The following POC1A variants were observed in gnomAD, a reference collection of about 807,000 sequenced individuals.
The protein encoded by POC1A is POC1 centriolar protein A.
Under a neutral mutation model 47.8 loss-of-function variants are expected in POC1A, and 34 were observed. That is an observed-to-expected ratio of 0.71 (90% CI 0.54 to 0.95). The LOEUF (loss-of-function observed/expected upper bound fraction) is 0.95. Ranked by LOEUF, POC1A falls within the 40% of genes least tolerant of loss-of-function variation. POC1A has a pLI of 0.00. For synonymous variants in POC1A, 177 were observed against 207.6 expected, an observed-to-expected ratio of 0.85 and a Z score of 1.27; for missense variants, 466 against 528.3, an observed-to-expected ratio of 0.88 and a Z score of 1.16.
chr3:52,089,205 GGGAAGACACAGGCTC>G (rs1267785920), intron 10 of POC1A, among the ~76,000 whole-genome samples: 2 of 151,982 alleles, frequency 1.3e-5, no homozygotes, highest in African/African-American at 4.8e-5. Flanking sequence ...CTGCGACTTG[GGGAAGACACAGGCTC>G]CCCTGTCCCG....
chr3:52,107,302 G>C (rs1018220818), intron 9 of POC1A, among the ~76,000 whole-genome samples: 1 of 152,224 alleles, frequency 6.6e-6, no homozygotes, highest in Admixed American at 6.5e-5. Flanking sequence ...GGAACACAGA[G>C]GGGGAGGACT....
chr3:52,146,961 G>C (rs1392970381), intron 5 of POC1A, 27 bp downstream of exon 5: 1 of 1,576,182 alleles, frequency 6.3e-7, no homozygotes. Context: ...AGCGCCTACA[G>C]GTGGAGGACA....
At position 52,145,868 on chromosome 3, in the gene POC1A, GTGAGTCCGCACGTCCCACACCTTCAC is replaced by G; in HGVS notation, c.631_656del (p.Val211ProfsTer31). The G allele has an allele frequency of 1.2e-6, 2 of 1,613,434 alleles. No individual in the cohort carries two copies. The highest frequency in any genetic ancestry group is 1.7e-6 in the Non-Finnish European group (2 of 1,179,562). On this transcript the variant is annotated frameshift_variant, in exon 6 of 11. Transcript: ENST00000296484. LOFTEE classifies it high-confidence loss of function. Reference sequence around the variant, plus strand: ...CACACTGATAATGCTGCAGCAGCCGGTGAGTCCGCACGTCCCACACCTTCACTGTGTTGTCCATGCCGGCAGCGGCA... The same window carrying G: ...CACACTGATAATGCTGCAGCAGCCGGTGTGTTGTCCATGCCGGCAGCGGCA...
chr3:52,089,638 CA>C (rs927805538), intron 10 of POC1A, among the ~76,000 whole-genome samples: 1 of 152,130 alleles, frequency 6.6e-6, no homozygotes, highest in Admixed American at 6.5e-5. Flanking sequence ...CGAGTGGAAG[CA>C]GTGTTAGGAG....
At chr3:52,083,868 C>G (rs1211846210) in intron 10 of POC1A, among the ~76,000 whole-genome samples, 1 of 152,252 alleles carries the variant, frequency 6.6e-6, no homozygotes, top group Non-Finnish European at 1.5e-5. Context: ...TTTCCAAGTA[C>G]TAGGTGCAGC....
chr3:52,131,866 C>A (rs1704226765), intron 7 of POC1A, among the ~76,000 whole-genome samples: 1 of 152,100 alleles, frequency 6.6e-6, no homozygotes, highest in Non-Finnish European at 1.5e-5. Flanking sequence ...CGCCTCCAAC[C>A]CTGGGGCAGA....
At position 52,075,853 on chromosome 3, in the gene POC1A, A is replaced by G. The variant is rs752072286; in HGVS notation, c.*34T>C. On this transcript the variant is annotated 3_prime_UTR_variant, in exon 11 of 11. Transcript: ENST00000296484. ...TACAAATCCCTGGCCTGCCACCTGC[A>G]AATCCACCGAGCTCCTGATTCCTGC... is the stretch of plus-strand genomic sequence containing the variant. The G allele has an allele frequency of 1.3e-6, 2 of 1,519,260 alleles. No homozygotes were observed. The highest frequency in any genetic ancestry group is 1.8e-6 in the Non-Finnish European group (2 of 1,094,318). The allele number at this position is 1,519,260 out of a possible 1,614,324, so 94.1% of individuals were successfully genotyped here. A position where few individuals can be genotyped will look rare whatever the true frequency, so the allele number is the denominator to read the frequency against.
At chr3:52,148,648 C>T (rs1005532066) in intron 4 of POC1A, among the ~76,000 whole-genome samples, 4 of 152,226 alleles carry the variant, frequency 2.6e-5, no homozygotes, top group Non-Finnish European at 5.9e-5. Context: ...ATCTCCGAAG[C>T]CTGCGCCCCC....
intron 9 of POC1A, among the ~76,000 whole-genome samples, chr3:52,117,318 A>T (rs1703604184): frequency 6.6e-6 from 1 of 152,186 alleles, no homozygotes; most frequent in Non-Finnish European, 1.5e-5. Context: ...GCGCCACTGT[A>T]GTTCAGCCTG....
At chr3:52,122,181 G>A (rs1316194875) in intron 9 of POC1A, among the ~76,000 whole-genome samples, 198 bp downstream of exon 9, 1 of 152,212 alleles carries the variant, frequency 6.6e-6, no homozygotes, top group East Asian at 1.9e-4. Flanking sequence ...GCCTCTTTGT[G>A]TCTTATTCGT....
chr3:52,108,309 G>A (rs1356630166), intron 9 of POC1A, among the ~76,000 whole-genome samples: 1 of 152,190 alleles, frequency 6.6e-6, no homozygotes, highest in East Asian at 1.9e-4. Flanking sequence ...CAAACTCTGT[G>A]TGTCAGCTCC....
chr3:52,076,043 G>A (rs1391542971), intron 10 of POC1A, 58 bp from the exon 11 acceptor site: 2 of 1,375,978 alleles, frequency 1.5e-6, no homozygotes, highest in Non-Finnish European at 2.1e-6. Context: ...CTGCTCTAGG[G>A]ACCCCCTTGG....
rs895723069 is a variant in POC1A, at chr3:52,079,329, G to C, written c.1126-3344C>G. ...AAGCAGGCTGCTCTCGTCGCCTCAT[G>C]CTCCGTCCAGCCCGGGAATTATCCT... On this transcript the variant is annotated intron_variant, in intron 10 of 10. Coordinates refer to ENST00000296484, the MANE Select transcript of POC1A (RefSeq NM_015426.5). The surrounding 1 kb of genome is among the most constrained non-coding windows in gnomAD (Gnocchi z 4.6). 2.0e-5 allele frequency among the ~76,000 whole-genome samples: 3 copies of C among 152,192 alleles called. No individual in the cohort carries two copies. The highest frequency in any genetic ancestry group is 7.2e-5 in the African/African-American group (3 of 41,448).
intron 8 of POC1A, among the ~76,000 whole-genome samples, chr3:52,124,254 G>T (rs1283055007): frequency 1.3e-5 from 2 of 152,182 alleles, no homozygotes; most frequent in Non-Finnish European, 2.9e-5. Flanking sequence ...TGGACAAGAG[G>T]ACCATGCGGA....
At chr3:52,138,509 G>T (rs1698064201) in intron 6 of POC1A, among the ~76,000 whole-genome samples, 1 of 152,198 alleles carries the variant, frequency 6.6e-6, no homozygotes, top group Non-Finnish European at 1.5e-5. Flanking sequence ...GGCCTGTTCA[G>T]AGCCAAGGGC....
At chr3:52,138,457 A>C (rs1351445377) in intron 6 of POC1A, among the ~76,000 whole-genome samples, 155 bp from the exon 7 acceptor site, 3 of 152,166 alleles carry the variant, frequency 2.0e-5, no homozygotes, top group Non-Finnish European at 2.9e-5. Flanking sequence ...GGAACCCAAC[A>C]AGGATTTCCC....
intron 9 of POC1A, among the ~76,000 whole-genome samples, chr3:52,108,162 T>C (rs1304222322): frequency 6.6e-6 from 1 of 152,256 alleles, no homozygotes; most frequent in Non-Finnish European, 1.5e-5. Context: ...AAGGGCTTAT[T>C]ACAGGGAATG....
In POC1A at chr3:52,128,916, C is replaced by T. The variant is rs536164653; in HGVS notation, c.814-3735G>A. Among the ~76,000 whole-genome samples the T allele has an allele frequency of 3.0e-4, 46 of 152,292 alleles. 1 individual carries two copies. In the South Asian group the frequency reaches 9.1e-3, roughly 30 times the overall value. ...GTTTCCAGTATGCAACATTTTCAGTCATTCACTTCCAAATGTTTAGTTTCC... is the reference window on the plus strand; with the variant it reads ...GTTTCCAGTATGCAACATTTTCAGTTATTCACTTCCAAATGTTTAGTTTCC... On this transcript the variant is annotated intron_variant, in intron 7 of 10. Coordinates refer to ENST00000296484, the MANE Select transcript of POC1A (RefSeq NM_015426.5).
At chr3:52,104,308 T>G (rs1218891500) in intron 9 of POC1A, among the ~76,000 whole-genome samples, 1 of 152,162 alleles carries the variant, frequency 6.6e-6, no homozygotes, top group Non-Finnish European at 1.5e-5. Flanking sequence ...AATGATTGTC[T>G]GGGGCTGGGG....
Sources: gnomAD v4.1 joint callset for allele counts (sites outside exome capture counted in the v4.1 genomes callset) on GRCh38, gnomAD v4.1.1 for gene constraint, Gnocchi (gnomAD v3.1) non-coding constraint, MANE v1.5 for transcripts, NCBI Gene and HGNC (gene_info 2026-07-23, HGNC 2026-07-21) for gene names.